TSPAN18: variants seen among roughly 807,000 people sequenced by gnomAD.
TSPAN18 encodes the protein tetraspanin 18.
Under a neutral mutation model 27.3 loss-of-function variants are expected in TSPAN18, and 14 were observed. The observed-to-expected ratio is 0.51, with a 90% confidence interval of 0.34 to 0.80. TSPAN18 has a LOEUF of 0.80. Among genes scored for constraint, TSPAN18 ranks in the 30% least tolerant of loss-of-function variants. TSPAN18 has a pLI of 0.01. For synonymous variants in TSPAN18, 143 were observed against 136.5 expected (o/e 1.05, Z -0.33); for missense variants, 268 against 323.9 (o/e 0.83, Z 1.32).
chr11:44,900,819 G>A (rs907835523), intron 3 of TSPAN18, among the ~76,000 whole-genome samples: 6 of 147,104 alleles, frequency 4.1e-5, no homozygotes, highest in African/African-American at 1.0e-4. Context: ...TCAGCCTCCC[G>A]AGTTGCTGGG....
chr11:44,753,903 A>G (rs1855270652), intron 1 of TSPAN18, among the ~76,000 whole-genome samples: 1 of 152,196 alleles, frequency 6.6e-6, no homozygotes, highest in African/African-American at 2.4e-5. Context: ...TTTGGACGCA[A>G]CACACTTAGT....
chr11:44,863,910 GTTA>G (rs1857962926), intron 3 of TSPAN18, among the ~76,000 whole-genome samples: 1 of 152,130 alleles, frequency 6.6e-6, no homozygotes, highest in Non-Finnish European at 1.5e-5. Context: ...ATTTGGTGTT[GTTA>G]TTATTTATAT....
chr11:44,863,393 T>C (rs892596524), intron 3 of TSPAN18, among the ~76,000 whole-genome samples: 5 of 152,364 alleles, frequency 3.3e-5, no homozygotes, highest in Middle Eastern at 3.4e-3. Context: ...TCTTCAAGGC[T>C]GCTTTCAACT....
intron 3 of TSPAN18, among the ~76,000 whole-genome samples, chr11:44,869,164 C>T (rs566888180): frequency 2.7e-4 from 41 of 152,274 alleles, no homozygotes; most frequent in African/African-American, 5.3e-4. Flanking sequence ...CAGACTGGGC[C>T]GGGAGGGATT....
chr11:44,799,072 G>T (rs567143842), intron 2 of TSPAN18, among the ~76,000 whole-genome samples: 1 of 128,230 alleles, frequency 7.8e-6, no homozygotes, highest in Admixed American at 8.9e-5. Context: ...GCCCTCCCTT[G>T]TTTTTTGTTC....
intron 5 of TSPAN18, among the ~76,000 whole-genome samples, chr11:44,914,887 G>T (rs1859849504): frequency 6.6e-6 from 1 of 152,164 alleles, no homozygotes; most frequent in African/African-American, 2.4e-5. Flanking sequence ...TTGTCTTCGG[G>T]AAGGATGTGC....
At position 44,890,742 on chromosome 11, in the gene TSPAN18, C is replaced by CAA. The variant is rs60185116; in HGVS notation, c.-10-15645_-10-15644dup. Among the ~76,000 whole-genome samples the CAA allele has an allele frequency of 1.6e-3, 130 of 80,368 alleles. 1 individual carries two copies. The highest frequency in any genetic ancestry group is 8.6e-3 in the Middle Eastern group (1 of 116). 52.7% of individuals were successfully genotyped at this position (80,368 alleles called of 152,430 possible). A position where few individuals can be genotyped will look rare whatever the true frequency, so the allele number is the denominator to read the frequency against. ...TTGGCAACAGAGCAAGACTCCAACTCAAAAAAAAAAAAAAAAAAAAATTTG... is the reference window on the plus strand; with the variant it reads ...TTGGCAACAGAGCAAGACTCCAACTCAAAAAAAAAAAAAAAAAAAAAAATTTG... On this transcript the variant is annotated intron_variant, in intron 3 of 9. Coordinates refer to ENST00000520358, the MANE Select transcript of TSPAN18 (RefSeq NM_130783.5).
In TSPAN18 at chr11:44,742,947, G is replaced by A. The variant is rs958404693; in HGVS notation, c.-240+15660G>A. ...GATCTGCAGAGGGACAGCTTCATGG[G>A]GGGGCTGGCATCTGCTCTCATACTC... On this transcript the variant is annotated intron_variant, in intron 1 of 9. Coordinates refer to ENST00000520358, the MANE Select transcript of TSPAN18 (RefSeq NM_130783.5). 2.6e-5 allele frequency among the ~76,000 whole-genome samples: 4 copies of A among 152,332 alleles called. No homozygotes were observed. The South Asian group carries it at 8.3e-4, about 32-fold the overall frequency.
At chr11:44,793,253 G>A (rs1856271782) in intron 2 of TSPAN18, among the ~76,000 whole-genome samples, 1 of 152,204 alleles carries the variant, frequency 6.6e-6, no homozygotes, top group South Asian at 2.1e-4. Context: ...CCCCACGCCT[G>A]CTGGTCATTG....
At chr11:44,830,752 A>G (rs1486856370) in intron 2 of TSPAN18, among the ~76,000 whole-genome samples, 1 of 152,242 alleles carries the variant, frequency 6.6e-6, no homozygotes, top group Non-Finnish European at 1.5e-5. Context: ...CTATGGCTTT[A>G]GGATCTGGAA....
chr11:44,884,553 A>G (rs879390619), intron 3 of TSPAN18, among the ~76,000 whole-genome samples: 2 of 151,916 alleles, frequency 1.3e-5, no homozygotes, highest in Non-Finnish European at 1.5e-5. Flanking sequence ...CACATTCCCC[A>G]CTCGGGGCTT....
At chr11:44,756,305 A>C (rs1024636206) in intron 1 of TSPAN18, among the ~76,000 whole-genome samples, 7 of 119,720 alleles carry the variant, frequency 5.8e-5, no homozygotes, top group Admixed American at 1.8e-4. Context: ...GAGAACAAAA[A>C]GGAGGGAGGG....
At chr11:44,788,542 C>G (rs1215609721) in intron 2 of TSPAN18, among the ~76,000 whole-genome samples, 2 of 149,190 alleles carry the variant, frequency 1.3e-5, no homozygotes, top group South Asian at 2.1e-4. Context: ...ACTGCAACCT[C>G]TGACTCCCTG....
intron 3 of TSPAN18, among the ~76,000 whole-genome samples, chr11:44,905,795 G>A (rs192650715): frequency 2.6e-4 from 40 of 152,344 alleles, no homozygotes; most frequent in Non-Finnish European, 5.1e-4. Flanking sequence ...CAGAGTAGAG[G>A]TAGCCAAGGC....
At chr11:44,927,023 C>T (rs1202083429) in intron 9 of TSPAN18, among the ~76,000 whole-genome samples, 1 of 152,202 alleles carries the variant, frequency 6.6e-6, no homozygotes, top group Non-Finnish European at 1.5e-5. Flanking sequence ...TCTCACTCTT[C>T]CATCCTCATC....
intron 1 of TSPAN18, among the ~76,000 whole-genome samples, chr11:44,742,728 G>A (rs1854974411): frequency 6.6e-6 from 1 of 152,210 alleles, no homozygotes. Flanking sequence ...TGCCCCCAGC[G>A]TGCTGACTCA....
chr11:44,751,586 G>A lies in TSPAN18; in HGVS notation c.-239-12840G>A, dbSNP rs185777508. Among the ~76,000 whole-genome samples the A allele has an allele frequency of 4.6e-5, 7 of 152,198 alleles. No individual in the cohort carries two copies. In the East Asian group the frequency reaches 5.8e-4, roughly 13 times the overall value. On this transcript the variant is annotated intron_variant, in intron 1 of 9. Transcript: ENST00000520358. ...TAGAAGGGAGTGCGATTGTTTCTGC[G>A]TTTAAATAATAATGTTTATCACTTT... is the stretch of plus-strand genomic sequence containing the variant.
chr11:44,858,820 C>T (rs749536540), intron 2 of TSPAN18, among the ~76,000 whole-genome samples: 1 of 152,172 alleles, frequency 6.6e-6, no homozygotes, highest in South Asian at 2.1e-4. Flanking sequence ...ATGGGCGACC[C>T]TGGTGAGCCC....
At chr11:44,923,039 G>A (rs1860202243) in intron 8 of TSPAN18, among the ~76,000 whole-genome samples, 1 of 152,182 alleles carries the variant, frequency 6.6e-6, no homozygotes, top group South Asian at 2.1e-4. Flanking sequence ...AACCCGGGAG[G>A]CGGAGGTTGC....
Sources: allele counts gnomAD v4.1 joint callset (sites outside exome capture counted in the v4.1 genomes callset), GRCh38; gene constraint gnomAD v4.1.1; transcripts MANE v1.5; gene names NCBI Gene and HGNC (gene_info 2026-07-23, HGNC 2026-07-21).